Variants in SYN2 observed in about 807,000 individuals in gnomAD.
The protein encoded by SYN2 is synapsin-2.
Under a neutral mutation model 50.9 loss-of-function variants are expected in SYN2, and 19 were observed. That is an observed-to-expected ratio of 0.37 (90% CI 0.26 to 0.55). The LOEUF (loss-of-function observed/expected upper bound fraction) is 0.55. Among genes scored for constraint, SYN2 ranks in the 20% least tolerant of loss-of-function variants. The pLI is 0.81. For synonymous variants in SYN2, 255 were observed against 224.9 expected, an observed-to-expected ratio of 1.13 and a Z score of -1.20; for missense variants, 587 against 576.4, an observed-to-expected ratio of 1.02 and a Z score of -0.19.
intron 1 of SYN2, among the ~76,000 whole-genome samples, chr3:12,029,877 C>T (rs1216042099): frequency 2.9e-5 from 3 of 103,680 alleles, no homozygotes; most frequent in Non-Finnish European, 3.6e-5. Context: ...ATTTCTTTCT[C>T]TTGCCTGATT....
intron 4 of SYN2, among the ~76,000 whole-genome samples, chr3:12,147,613 C>T (rs966975515): frequency 6.6e-6 from 1 of 152,132 alleles, no homozygotes; most frequent in Non-Finnish European, 1.5e-5. Context: ...CCACGTGCAC[C>T]CCCGGTACTT....
chr3:12,174,568 G>A (rs558886110), intron 10 of SYN2, among the ~76,000 whole-genome samples: 4 of 152,196 alleles, frequency 2.6e-5, no homozygotes, highest in South Asian at 2.1e-4. Context: ...TGCCACCACC[G>A]CCTCCCGGGT....
intron 1 of SYN2, among the ~76,000 whole-genome samples, chr3:12,113,845 C>A (rs1391970650): frequency 6.6e-6 from 1 of 152,020 alleles, no homozygotes. Context: ...ATCCATTCAT[C>A]AGTTGATGGA....
At chr3:12,074,087 T>C (rs1318104091) in intron 1 of SYN2, among the ~76,000 whole-genome samples, 2 of 152,196 alleles carry the variant, frequency 1.3e-5, no homozygotes, top group Non-Finnish European at 2.9e-5. Context: ...GTTAATCATA[T>C]ATAATAGGCC....
chr3:12,138,736 T>C (rs183503984), intron 1 of SYN2, among the ~76,000 whole-genome samples: 103 of 152,298 alleles, frequency 6.8e-4, no homozygotes, highest in African/African-American at 2.4e-3. Flanking sequence ...GTCTCTGAGA[T>C]TTACCTCACA....
intron 5 of SYN2, among the ~76,000 whole-genome samples, chr3:12,160,000 G>A (rs1021746241): frequency 8.5e-5 from 11 of 129,894 alleles, no homozygotes; most frequent in African/African-American, 1.1e-4. Context: ...CTGAGACTGT[G>A]CCACTGCACT....
At chr3:12,051,854 A>C (rs898254955) in intron 1 of SYN2, among the ~76,000 whole-genome samples, 2 of 152,198 alleles carry the variant, frequency 1.3e-5, no homozygotes, top group Admixed American at 6.5e-5. Flanking sequence ...TTCATATGGA[A>C]GGTTTCTCAG....
At chr3:12,179,374 G>GAAAAAAAAAAA (rs536283283) in intron 10 of SYN2, among the ~76,000 whole-genome samples, 12 of 92,550 alleles carry the variant, frequency 1.3e-4, no homozygotes, top group South Asian at 4.6e-4. Flanking sequence ...AGAACTGAAA[G>GAAAAAAAAAAA]AAAAAAAAAA....
At chr3:12,189,030 C>G (rs1460404891) in intron 12 of SYN2, among the ~76,000 whole-genome samples, 1 of 152,190 alleles carries the variant, frequency 6.6e-6, no homozygotes, top group Non-Finnish European at 1.5e-5. Flanking sequence ...TGTTGGGTCT[C>G]GTTCCCAGCC....
intron 7 of SYN2, among the ~76,000 whole-genome samples, chr3:12,164,614 G>A (rs777222900): frequency 6.6e-5 from 10 of 152,204 alleles, no homozygotes; most frequent in Admixed American, 2.0e-4. Context: ...TACCATTCCT[G>A]CCTCCATCTG....
At chr3:12,179,874 GC>G (rs1264684287) in intron 10 of SYN2, among the ~76,000 whole-genome samples, 1 of 152,144 alleles carries the variant, frequency 6.6e-6, no homozygotes, top group Non-Finnish European at 1.5e-5. Flanking sequence ...CCAATTTTTG[GC>G]AGCATCATTA....
intron 1 of SYN2, among the ~76,000 whole-genome samples, chr3:12,050,216 CTG>C (rs1389121195): frequency 6.6e-6 from 1 of 151,278 alleles, no homozygotes; most frequent in Non-Finnish European, 1.5e-5. Context: ...AGTTCTTAGA[CTG>C]TTAATGGTTA....
intron 4 of SYN2, among the ~76,000 whole-genome samples, chr3:12,147,150 G>A (rs373879932): frequency 2.0e-5 from 3 of 152,156 alleles, no homozygotes; most frequent in African/African-American, 7.2e-5. Context: ...TAATTGTGAA[G>A]TTTCCACGCC....
chr3:12,154,192 T>C (rs767175048), intron 5 of SYN2: 24 of 1,334,708 alleles, frequency 1.8e-5, no homozygotes, highest in Non-Finnish European at 2.3e-5. Flanking sequence ...CTATAGACTG[T>C]ATTGCTTTCT....
intron 1 of SYN2, among the ~76,000 whole-genome samples, chr3:12,077,001 A>G (rs1271353680): frequency 6.6e-6 from 1 of 152,114 alleles, no homozygotes; most frequent in East Asian, 1.9e-4. Context: ...ATGGGATAGA[A>G]TTTGAGAGGG....
intron 1 of SYN2, among the ~76,000 whole-genome samples, chr3:12,087,893 A>G (rs1205294264): frequency 6.6e-6 from 1 of 152,024 alleles, no homozygotes; most frequent in Non-Finnish European, 1.5e-5. Context: ...AAAGAATGAA[A>G]TTGGACCTTT....
At chr3:12,120,351 G>A (rs574185879) in intron 1 of SYN2, among the ~76,000 whole-genome samples, 2 of 151,956 alleles carry the variant, frequency 1.3e-5, no homozygotes, top group South Asian at 4.2e-4. Flanking sequence ...TTATTTTATT[G>A]CCCTTGATGA....
chr3:12,040,430 CTTTTTT>C (rs34991752), intron 1 of SYN2, among the ~76,000 whole-genome samples: 1 of 109,272 alleles, frequency 9.2e-6, no homozygotes, highest in Admixed American at 1.0e-4. Context: ...AGTTCTGTTT[CTTTTTT>C]TTTTTTTTTT....
chr3:12,099,964 CAAAAAAAAAAGA>C (rs1286676642), intron 1 of SYN2, among the ~76,000 whole-genome samples: 7 of 7,666 alleles, frequency 9.1e-4, no homozygotes, highest in Non-Finnish European at 7.3e-4. Flanking sequence ...GACTCTGTCT[CAAAAAAAAAAGA>C]AAAAAAAAAA....
Sources: allele counts gnomAD v4.1 joint callset (sites outside exome capture counted in the v4.1 genomes callset), GRCh38; gene constraint gnomAD v4.1.1; transcripts MANE v1.5; gene names NCBI Gene and HGNC (gene_info 2026-07-23, HGNC 2026-07-21).